Variants in SCARA5 observed in about 807,000 individuals in gnomAD.
SCARA5 encodes scavenger receptor class A member 5.
In SCARA5, 45 loss-of-function variants were observed where a neutral mutation model predicts 46.3. The observed-to-expected ratio is 0.97, with a 90% CI of 0.76 to 1.24. The LOEUF (loss-of-function observed/expected upper bound fraction) is 1.24. SCARA5 is among the 50% of genes most tolerant of loss of function. The probability of loss-of-function intolerance (pLI) is 0.00; values close to 1 mark genes in which losing one functional copy is unlikely to be tolerated. For synonymous variants in SCARA5, 333 were observed against 306.5 expected (o/e 1.09, Z -0.90); for missense variants, 680 against 689.0 (o/e 0.99, Z 0.15).
intron 7 of SCARA5, among the ~76,000 whole-genome samples, chr8:27,894,000 A>T (rs1807024275): frequency 2.0e-5 from 3 of 152,356 alleles, no homozygotes; most frequent in South Asian, 4.1e-4. Flanking sequence ...GCTCAGGGCC[A>T]TCCCCAAACC....
At chr8:27,899,922 G>A (rs1807123913) in intron 7 of SCARA5, among the ~76,000 whole-genome samples, 1 of 152,154 alleles carries the variant, frequency 6.6e-6, no homozygotes, top group Non-Finnish European at 1.5e-5. Context: ...CAGATCACCT[G>A]AGGTCAGGAG....
At chr8:27,874,448 G>A (rs895546991) in intron 8 of SCARA5, among the ~76,000 whole-genome samples, 13 of 152,212 alleles carry the variant, frequency 8.5e-5, no homozygotes, top group Non-Finnish European at 1.8e-4. Flanking sequence ...ACGGCAAACC[G>A]TGAGCCAGGT....
At position 27,871,859 on chromosome 8, in the gene SCARA5, C is replaced by T. The variant is rs1806643801; in HGVS notation, c.*75G>A. Reference sequence around the variant, plus strand: ...GTGGTCGAGGCATGGTCAGGGTGGCCCCGAGCTGTGCCCCACCCCAGGGAT... The same window carrying T: ...GTGGTCGAGGCATGGTCAGGGTGGCTCCGAGCTGTGCCCCACCCCAGGGAT... On this transcript the variant is annotated 3_prime_UTR_variant, in exon 9 of 9. Coordinates refer to ENST00000354914, the MANE Select transcript of SCARA5 (RefSeq NM_173833.6). 1.2e-6 allele frequency: 2 copies of T among 1,603,752 alleles called. No individual in the cohort carries two copies. Among genetic ancestry groups the T allele is most frequent in the South Asian group, 1.1e-5 (1 of 89,722 alleles).
intron 1 of SCARA5, among the ~76,000 whole-genome samples, chr8:27,991,913 A>T (rs1392412158): frequency 6.6e-6 from 1 of 151,996 alleles, no homozygotes; most frequent in Non-Finnish European, 1.5e-5. Flanking sequence ...ATGCACACAC[A>T]CGAAGCCATG....
chr8:27,935,701 G>C, intron 3 of SCARA5, among the ~76,000 whole-genome samples: 1 of 152,190 alleles, frequency 6.6e-6, no homozygotes, highest in East Asian at 1.9e-4. Context: ...CAGATCCCTG[G>C]GCCAACAATG....
chr8:27,976,062 G>A (rs899346453), intron 2 of SCARA5, among the ~76,000 whole-genome samples: 3 of 152,134 alleles, frequency 2.0e-5, no homozygotes, highest in Non-Finnish European at 4.4e-5. Context: ...GAACAATCAA[G>A]GGTGTGTGTG....
chr8:27,894,676 C>T (rs893905933), intron 7 of SCARA5, among the ~76,000 whole-genome samples: 1 of 152,202 alleles, frequency 6.6e-6, no homozygotes, highest in Non-Finnish European at 1.5e-5. Context: ...ATGTCACCTC[C>T]TCTGGGAAGG....
At chr8:27,935,566 CA>C (rs1179964795) in intron 3 of SCARA5, among the ~76,000 whole-genome samples, 5 of 152,106 alleles carry the variant, frequency 3.3e-5, no homozygotes, top group African/African-American at 1.2e-4. Context: ...GTGACAGCAC[CA>C]AAGCAGAAAA....
intron 7 of SCARA5, among the ~76,000 whole-genome samples, chr8:27,885,026 G>A (rs1275548332): frequency 3.9e-5 from 5 of 128,392 alleles, no homozygotes; most frequent in Non-Finnish European, 6.4e-5. Flanking sequence ...CATCTTGGCC[G>A]GGTGGACAAG....
At chr8:27,951,102 C>T (rs1247716742) in intron 3 of SCARA5, among the ~76,000 whole-genome samples, 1 of 152,102 alleles carries the variant, frequency 6.6e-6, no homozygotes, top group Non-Finnish European at 1.5e-5. Context: ...TAGAAATTTG[C>T]CCAAACTCAT....
At chr8:27,935,605 G>A (rs766687193) in intron 3 of SCARA5, among the ~76,000 whole-genome samples, 4 of 152,162 alleles carry the variant, frequency 2.6e-5, no homozygotes, top group Non-Finnish European at 5.9e-5. Context: ...AGGCACAAAG[G>A]AATGGGAAGG....
intron 8 of SCARA5, among the ~76,000 whole-genome samples, chr8:27,874,385 G>A (rs893842894): frequency 6.6e-6 from 1 of 152,248 alleles, no homozygotes; most frequent in Non-Finnish European, 1.5e-5. Context: ...GGCCAGTACA[G>A]TCTTTTCTCC....
intron 4 of SCARA5, among the ~76,000 whole-genome samples, chr8:27,914,326 A>G (rs1446116761): frequency 6.6e-6 from 1 of 152,206 alleles, no homozygotes; most frequent in Non-Finnish European, 1.5e-5. Context: ...AGACGAATAC[A>G]CCCACCCTTC....
intron 4 of SCARA5, among the ~76,000 whole-genome samples, chr8:27,914,403 C>T (rs538468667): frequency 4.6e-5 from 7 of 152,252 alleles, no homozygotes; most frequent in African/African-American, 1.2e-4. Flanking sequence ...GGGAGATCCT[C>T]GTGCACAATG....
At chr8:27,888,259 C>T (rs2685379) in intron 7 of SCARA5, among the ~76,000 whole-genome samples, 76,535 of 152,002 alleles carry the variant, frequency 0.5, 19,891 homozygotes, top group African/African-American at 0.61. Flanking sequence ...TCCAGTGCCA[C>T]AGAATAAAGG....
intron 4 of SCARA5, among the ~76,000 whole-genome samples, chr8:27,918,331 A>G (rs1241327961): frequency 5.9e-5 from 9 of 152,130 alleles, no homozygotes; most frequent in Non-Finnish European, 1.5e-5. Context: ...CTCAGGTCCC[A>G]TTTTAAAACA....
At chr8:27,967,526 C>A (rs934004954) in intron 2 of SCARA5, among the ~76,000 whole-genome samples, 7 of 152,094 alleles carry the variant, frequency 4.6e-5, no homozygotes, top group African/African-American at 1.7e-4. Context: ...GGCGGGGGGA[C>A]GGCATTTTTT....
chr8:27,934,550 G>A (rs1807825646), intron 3 of SCARA5, among the ~76,000 whole-genome samples: 1 of 152,034 alleles, frequency 6.6e-6, no homozygotes, highest in African/African-American at 2.4e-5. Context: ...TCACCCAATC[G>A]GGGTCCATGA....
chr8:27,965,197 C>A (rs1808349952), intron 3 of SCARA5, among the ~76,000 whole-genome samples: 1 of 152,216 alleles, frequency 6.6e-6, no homozygotes, highest in Non-Finnish European at 1.5e-5. Context: ...GCATTGAACA[C>A]CCCATTACAT....
Sources: allele counts gnomAD v4.1 joint callset (sites outside exome capture counted in the v4.1 genomes callset), GRCh38; gene constraint gnomAD v4.1.1; transcripts MANE v1.5; gene names NCBI Gene and HGNC (gene_info 2026-07-23, HGNC 2026-07-21).